Variants in MAP2 observed in about 807,000 individuals in gnomAD.
MAP2 encodes the protein microtubule-associated protein 2.
A neutral mutation model predicts 137.6 loss-of-function variants in MAP2; 14 were observed. The ratio of observed to expected loss-of-function variants is 0.10; its 90% CI spans 0.07 to 0.16. The LOEUF is 0.16. Ranked by LOEUF, MAP2 falls within the 10% of genes least tolerant of loss-of-function variation. The pLI, the probability that MAP2 is intolerant of heterozygous loss-of-function variation, is 1.00. For missense variants in MAP2, 2,088 were observed against 2,191.5 expected (o/e 0.95, Z 0.94); for synonymous variants, 786 against 782.3 (o/e 1.00, Z -0.08).
At chr2:209,621,689 A>T (rs539310315) in intron 3 of MAP2, among the ~76,000 whole-genome samples, 1 of 152,314 alleles carries the variant, frequency 6.6e-6, no homozygotes, top group African/African-American at 2.4e-5. Context: ...TATCTTGATG[A>T]CTTTGTTGTT....
chr2:209,559,039 G>A (rs192334590), intron 2 of MAP2, among the ~76,000 whole-genome samples: 4 of 152,078 alleles, frequency 2.6e-5, no homozygotes, highest in African/African-American at 9.7e-5. Flanking sequence ...TCACCCAGCA[G>A]TTTCAGCATA....
At position 209,587,005 on chromosome 2, in the gene MAP2, A is replaced by G. The variant is rs116720483; in HGVS notation, c.-107+6905A>G. On this transcript the variant is annotated intron_variant, in intron 3 of 15. Transcript: ENST00000682079. ...ATGAAAAATCCATTAAATCAACCCA[A>G]ATGAGCTACTGGCATTCCATTCTTT... is the stretch of plus-strand genomic sequence containing the variant. Among the ~76,000 whole-genome samples the G allele has an allele frequency of 8.0e-3, 1,211 of 152,228 alleles. 14 individuals carry two copies. Among genetic ancestry groups the G allele is most frequent in the Middle Eastern group, 0.014 (4 of 294 alleles).
intron 3 of MAP2, among the ~76,000 whole-genome samples, chr2:209,605,225 A>G (rs1487960747): frequency 6.6e-6 from 1 of 152,172 alleles, no homozygotes; most frequent in African/African-American, 2.4e-5. Context: ...TATCTTAGAC[A>G]GTTTTGTGTG....
intron 2 of MAP2, among the ~76,000 whole-genome samples, chr2:209,518,803 A>G (rs578176121): frequency 6.6e-6 from 1 of 152,216 alleles, no homozygotes; most frequent in Non-Finnish European, 1.5e-5. Context: ...AAAGAAAAAA[A>G]TAAACATTGA....
intron 1 of MAP2, among the ~76,000 whole-genome samples, chr2:209,431,678 C>T (rs1212276757): frequency 1.3e-5 from 2 of 152,108 alleles, no homozygotes; most frequent in African/African-American, 4.8e-5. Flanking sequence ...AAACTCAGTG[C>T]TTGGTAAGAG....
At chr2:209,580,421 T>C (rs2076153892) in intron 3 of MAP2, among the ~76,000 whole-genome samples, 1 of 152,196 alleles carries the variant, frequency 6.6e-6, no homozygotes, top group Admixed American at 6.5e-5. Context: ...AATTCATTAA[T>C]TTGAATTTAA....
In MAP2 at chr2:209,694,641, C is replaced by A; in HGVS notation, c.2471C>A (p.Ala824Glu). The A allele has an allele frequency of 6.2e-7, 1 of 1,614,098 alleles. No homozygotes were observed. Among genetic ancestry groups the A allele is most frequent in the East Asian group, 2.2e-5 (1 of 44,876 alleles). The change falls in exon 8 of 16, where the codon GCA becomes GAA. Residue 824 changes from alanine to glutamate, a missense_variant. This residue lies in a region of MAP2 where 500 missense variants were observed against 482.9 expected (regional missense o/e 1.04). Coordinates refer to ENST00000682079, the MANE Select transcript of MAP2 (RefSeq NM_001375505.1). ...AGGTCAAGATTGGCTTCTGTGAGTGCAGATGCTGAGGTTGCCAGGAGGAAA... is the reference window on the plus strand; with the variant it reads ...AGGTCAAGATTGGCTTCTGTGAGTGAAGATGCTGAGGTTGCCAGGAGGAAA... ...GTRSRLASVS[A>E]DAEVARRKSV...
chr2:209,621,918 C>T lies in MAP2; in HGVS notation c.-106-3135C>T, dbSNP rs971151870. Among the ~76,000 whole-genome samples the T allele has an allele frequency of 3.9e-5, 6 of 152,164 alleles. No homozygotes were observed. In the East Asian group the frequency reaches 5.8e-4, roughly 15 times the overall value. On this transcript the variant is annotated intron_variant, in intron 3 of 15. Coordinates refer to ENST00000682079, the MANE Select transcript of MAP2 (RefSeq NM_001375505.1). ...GGAGTAACCAGCTAATAAAAGCTGA[C>T]TTCGTTTATAGCTGAACAAGTATTT...
At chr2:209,443,923 C>T (rs1698426000) in intron 1 of MAP2, among the ~76,000 whole-genome samples, 1 of 151,616 alleles carries the variant, frequency 6.6e-6, no homozygotes, top group African/African-American at 2.4e-5. Context: ...CCACACTTGA[C>T]ATCACTTTGG....
At chr2:209,723,466 G>A (rs1016991291) in intron 13 of MAP2, 9 of 644,216 alleles carry the variant, frequency 1.4e-5, no homozygotes, top group Admixed American at 2.5e-5. Flanking sequence ...TCCAGTGTTA[G>A]ATTTTCTCTT....
At chr2:209,499,819 A>G (rs1409803116) in intron 1 of MAP2, among the ~76,000 whole-genome samples, 1 of 152,080 alleles carries the variant, frequency 6.6e-6, no homozygotes, top group Non-Finnish European at 1.5e-5. Context: ...GGTGGCACAC[A>G]CTTTTAAGTG....
intron 1 of MAP2, among the ~76,000 whole-genome samples, chr2:209,503,954 G>A (rs189703456): frequency 6.6e-6 from 1 of 152,188 alleles, no homozygotes; most frequent in East Asian, 1.9e-4. Context: ...AAATTAGTTG[G>A]GTGTGGTGAA....
chr2:209,704,625 G>A lies in MAP2; in HGVS notation c.4585-955G>A, dbSNP rs754755657. ...TACTCAAAATCAGGGAACAAGGTAA[G>A]GCGGCAGGTCAATAAAAGGTGCAGA... On this transcript the variant is annotated intron_variant, in intron 11 of 15. Transcript: ENST00000682079. The A allele has an allele frequency of 1.9e-6, 3 of 1,588,448 alleles. No individual in the cohort carries two copies. In the East Asian group the frequency reaches 6.8e-5, roughly 36 times the overall value.
intron 4 of MAP2, among the ~76,000 whole-genome samples, chr2:209,625,345 A>G (rs2092098728): frequency 6.6e-6 from 1 of 152,190 alleles, no homozygotes; most frequent in Admixed American, 6.5e-5. Context: ...CTTAATAGTA[A>G]GAAAATGACA....
At chr2:209,444,525 A>G (rs1370643108) in intron 1 of MAP2, among the ~76,000 whole-genome samples, 6 of 151,562 alleles carry the variant, frequency 4.0e-5, no homozygotes, top group Non-Finnish European at 8.9e-5. Context: ...GTCTAAAATT[A>G]GAACCTGGGC....
At chr2:209,564,929 TCTAACAGCTGCACAGGACAGCAA>T (rs1372053904) in intron 2 of MAP2, among the ~76,000 whole-genome samples, 1 of 152,160 alleles carries the variant, frequency 6.6e-6, no homozygotes, top group Non-Finnish European at 1.5e-5. Context: ...GTTTAGAGTT[TCTAACAGCTGCACAGGACAGCAA>T]GATTCCTTCT....
At chr2:209,637,634 C>G (rs2093675088) in intron 4 of MAP2, among the ~76,000 whole-genome samples, 1 of 152,080 alleles carries the variant, frequency 6.6e-6, no homozygotes, top group Non-Finnish European at 1.5e-5. Flanking sequence ...TACTTCTAAC[C>G]TAACCATCAG....
chr2:209,514,595 T>C (rs2062194292), intron 2 of MAP2, among the ~76,000 whole-genome samples: 1 of 152,136 alleles, frequency 6.6e-6, no homozygotes, highest in African/African-American at 2.4e-5. Flanking sequence ...CATTAAAAAG[T>C]ATTATAACCT....
At chr2:209,456,251 A>G (rs1701515977) in intron 1 of MAP2, among the ~76,000 whole-genome samples, 1 of 152,172 alleles carries the variant, frequency 6.6e-6, no homozygotes, top group African/African-American at 2.4e-5. Flanking sequence ...TATAATCTCA[A>G]ACCAAGAAGA....
Sources: allele counts gnomAD v4.1 joint callset (sites outside exome capture counted in the v4.1 genomes callset), GRCh38; gene constraint gnomAD v4.1.1; regional missense constraint gnomAD v4.1.1; transcripts MANE v1.5; gene names NCBI Gene and HGNC (gene_info 2026-07-23, HGNC 2026-07-21).